Variants in MPHOSPH10 observed in about 807,000 individuals in gnomAD.
The protein encoded by MPHOSPH10 is U3 small nucleolar ribonucleoprotein MPP10.
Under a neutral mutation model 77.3 loss-of-function variants are expected in MPHOSPH10, and 33 were observed. That is an observed-to-expected ratio of 0.43 (90% CI 0.32 to 0.57). The LOEUF (loss-of-function observed/expected upper bound fraction) is 0.57. Among genes scored for constraint, MPHOSPH10 ranks in the 20% least tolerant of loss-of-function variants. MPHOSPH10 has a pLI of 0.07. For synonymous variants in MPHOSPH10, 245 were observed against 268.0 expected (o/e 0.91, Z 0.84); for missense variants, 708 against 780.1 (o/e 0.91, Z 1.10).
rs544325502 is a variant in MPHOSPH10, at chr2:71,149,914, A to G, written c.1945A>G (p.Lys649Glu). The G allele has an allele frequency of 1.3e-6, 2 of 1,576,642 alleles. No individual in the cohort carries two copies. Among genetic ancestry groups the G allele is most frequent in the Non-Finnish European group, 1.7e-6 (2 of 1,168,860 alleles). The stretch of plus-strand genomic sequence containing the variant: ...AAAGTCCTCTCAAGCATTCTTTTCT[A>G]AATTACAAGATCAAGTAAAAATGCA... ...ALKSSQAFFS[K>E]LQDQVKMQIN... The change falls in exon 11 of 11, where the codon AAA becomes GAA. Residue 649 changes from lysine (K) to glutamate (E), a missense_variant. By Grantham distance (56) the Lys-to-Glu change is moderately conservative. Around this residue, in one of 3 missense-constraint regions of MPHOSPH10, gnomAD observed 263 missense variants for 320.0 expected, o/e 0.82. Transcript: ENST00000244230.
At chr2:71,140,360 C>G (rs888816800) in intron 6 of MPHOSPH10, among the ~76,000 whole-genome samples, 5 of 152,184 alleles carry the variant, frequency 3.3e-5, no homozygotes, top group African/African-American at 4.8e-5. Flanking sequence ...CAGGGCATCA[C>G]ATGGTGAAAG....
intron 10 of MPHOSPH10, 121 bp downstream of exon 10, chr2:71,149,574 A>G (rs899869988): frequency 1.1e-6 from 1 of 942,800 alleles, no homozygotes; most frequent in Admixed American, 2.7e-5. Flanking sequence ...GAGATGCATG[A>G]TGCTGACTGG....
Position 71,149,723 on chromosome 2 carries a change from C to T in MPHOSPH10, c.1897-143C>T, listed in dbSNP as rs958239461. Reference sequence around the variant, plus strand: ...TGTAGCAGTGCAGAATACCTCTATGCTAACTGATTCAGTTTTCTGTAATTC... The same window carrying T: ...TGTAGCAGTGCAGAATACCTCTATGTTAACTGATTCAGTTTTCTGTAATTC... On this transcript the variant is annotated intron_variant, in intron 10 of 10. Transcript: ENST00000244230. The T allele has an allele frequency of 3.6e-5, 28 of 777,240 alleles. No homozygotes were observed. In the Admixed American group the frequency reaches 7.6e-4, roughly 21 times the overall value. 48.1% of individuals were successfully genotyped at this position (777,240 alleles called of 1,614,324 possible).
At chr2:71,149,495 G>C (rs753757661) in intron 10 of MPHOSPH10, 42 bp downstream of exon 10, 5 of 1,551,130 alleles carry the variant, frequency 3.2e-6, no homozygotes, top group Non-Finnish European at 4.4e-6. Flanking sequence ...GGACCTTTGT[G>C]GGGGAAGTGG....
intron 1 of MPHOSPH10, among the ~76,000 whole-genome samples, chr2:71,131,714 CAT>C (rs1673384608): frequency 6.6e-6 from 1 of 152,146 alleles, no homozygotes; most frequent in Non-Finnish European, 1.5e-5. Context: ...TCACAAGGTA[CAT>C]GGTGGGGAGA....
intron 1 of MPHOSPH10, 22 bp from the exon 2 acceptor site, chr2:71,132,876 C>T: frequency 1.9e-6 from 3 of 1,549,358 alleles, no homozygotes; most frequent in South Asian, 1.2e-5. Flanking sequence ...AATTCTAAAT[C>T]TCACTTAATT....
intron 8 of MPHOSPH10, 58 bp downstream of exon 8, chr2:71,144,596 TC>T (rs1673674112): frequency 2.4e-6 from 3 of 1,274,978 alleles, no homozygotes. Flanking sequence ...ATAGCTTTGA[TC>T]CTTTGTGAGA....
intron 7 of MPHOSPH10, among the ~76,000 whole-genome samples, chr2:71,143,736 C>G (rs753485889): frequency 1.3e-5 from 2 of 152,172 alleles, no homozygotes; most frequent in Non-Finnish European, 2.9e-5. Context: ...CATTTCTGAC[C>G]TCTTTCAGTT....
Position 71,144,465 on chromosome 2 carries a change from A to G in MPHOSPH10, c.1484A>G (p.Glu495Gly). Reference sequence around the variant, plus strand: ...GAAGAAGAAAATCCAGAACATGTAGAAATTCAGAAGATGATGGATTCCCTC... The same window carrying G: ...GAAGAAGAAAATCCAGAACATGTAGGAATTCAGAAGATGATGGATTCCCTC... ...TAEEENPEHV[E>G]IQKMMDSLFL... The change falls in exon 8 of 11, where the codon GAA (glutamate) becomes GGA (glycine). Residue 495 changes from glutamate (E) to glycine (G), a missense_variant. Around this residue, in one of 3 missense-constraint regions of MPHOSPH10, gnomAD observed 263 missense variants for 320.0 expected, o/e 0.82. Transcript: ENST00000244230. 1 of 1,614,156 alleles carries G rather than the reference A, an allele frequency of 6.2e-7. No homozygotes were observed. The highest frequency in any genetic ancestry group is 8.5e-7 in the Non-Finnish European group (1 of 1,180,006).
intron 2 of MPHOSPH10, 66 bp downstream of exon 2, chr2:71,133,642 A>T (rs1289302116): frequency 2.8e-6 from 4 of 1,441,904 alleles, no homozygotes; most frequent in Non-Finnish European, 3.7e-6. Flanking sequence ...TTTTTCTAGG[A>T]GAGATTTAAT....
intron 7 of MPHOSPH10, 152 bp downstream of exon 7, chr2:71,141,521 G>C: frequency 1.6e-6 from 1 of 610,160 alleles, no homozygotes; most frequent in Non-Finnish European, 2.5e-6. Flanking sequence ...GAATAGAAGG[G>C]TTCTAATATT....
At chr2:71,131,388 A>C (rs560384934) in intron 1 of MPHOSPH10, among the ~76,000 whole-genome samples, 1 of 152,178 alleles carries the variant, frequency 6.6e-6, no homozygotes, top group Non-Finnish European at 1.5e-5. Context: ...GGTACTGTCA[A>C]GCATCTCAAA....
At position 71,132,797 on chromosome 2, in the gene MPHOSPH10, A is replaced by C. The variant is rs897261033; in HGVS notation, c.90-101A>C. 5 of 1,407,596 alleles carry C rather than the reference A, an allele frequency of 3.6e-6. No individual in the cohort carries two copies. The African/African-American group carries it at 5.8e-5, about 16-fold the overall frequency. 87.2% of individuals were successfully genotyped at this position (1,407,596 alleles called of 1,614,324 possible). A position where few individuals can be genotyped will look rare whatever the true frequency, so the allele number is the denominator to read the frequency against. ...CAGAATCTATACTTATACTTCATTC[A>C]AATTTTATTTTACAAAAGAGTTGGG... On this transcript the variant is annotated intron_variant, in intron 1 of 10. Transcript: ENST00000244230.
rs148255112 is a variant in MPHOSPH10, at chr2:71,133,300, C to G, written c.492C>G (p.Pro164=). 1.8e-5 allele frequency: 29 copies of G among 1,613,888 alleles called. No homozygotes were observed. The highest frequency in any genetic ancestry group is 2.1e-5 in the Non-Finnish European group (25 of 1,180,010). ...NSSKSDLRKS[P]VFSDEDSDLD... ...GCAAATCTGATCTGAGGAAAAGCCCCGTTTTCAGTGATGAGGATTCTGACC... is the reference window on the plus strand; with the variant it reads ...GCAAATCTGATCTGAGGAAAAGCCCGGTTTTCAGTGATGAGGATTCTGACC... Residue 164 remains proline, a synonymous_variant, in exon 2 of 11, where the codon CCC becomes CCG. Transcript: ENST00000244230.
At chr2:71,149,069 C>A in intron 9 of MPHOSPH10, 154 bp from the exon 10 acceptor site, 1 of 663,166 alleles carries the variant, frequency 1.5e-6, no homozygotes, top group Admixed American at 2.9e-5. Context: ...GTTACCAACG[C>A]TCATTGGAAT....
chr2:71,133,116 A>C lies in MPHOSPH10; in HGVS notation c.308A>C (p.Asp103Ala), dbSNP rs1673418820. The part of the protein sequence containing the change: ...NAVSETINDE[D>A]ISLLPESEEQ... The stretch of plus-strand genomic sequence containing the variant: ...GTTAGTGAAACAATTAATGATGAAG[A>C]TATCAGTCTTCTCCCAGAGAGTGAA... Residue 103 changes from aspartate (D) to alanine (A), a missense_variant, in exon 2 of 11, where the codon GAT (aspartate) becomes GCT (alanine). Around this residue, in one of 3 missense-constraint regions of MPHOSPH10, gnomAD observed 433 missense variants for 432.6 expected, o/e 1.00. Transcript: ENST00000244230. 1 of 1,614,078 alleles carries C rather than the reference A, an allele frequency of 6.2e-7. No homozygotes were observed.
chr2:71,142,517 G>A (rs998203201), intron 7 of MPHOSPH10, among the ~76,000 whole-genome samples: 5 of 152,220 alleles, frequency 3.3e-5, no homozygotes, highest in African/African-American at 1.2e-4. Flanking sequence ...AGTTTTTGAG[G>A]ATGGACTTGG....
chr2:71,130,692 G>T lies in MPHOSPH10; in HGVS notation c.27G>T (p.Arg9=), dbSNP rs138844543. MAPQVWRR[R]TLERCLTEVG... ...TGGCGCCGCAGGTCTGGCGTCGACGGACCCTGGAGCGGTGTCTGACGGAAG... is the reference window on the plus strand; with the variant it reads ...TGGCGCCGCAGGTCTGGCGTCGACGTACCCTGGAGCGGTGTCTGACGGAAG... The change falls in exon 1 of 11, where the codon CGG becomes CGT. Residue 9 remains arginine (R), a synonymous_variant. Coordinates refer to ENST00000244230, the MANE Select transcript of MPHOSPH10 (RefSeq NM_005791.3). 2.2e-4 allele frequency: 348 copies of T among 1,610,528 alleles called. No individual in the cohort carries two copies. The highest frequency in any genetic ancestry group is 2.7e-4 in the Non-Finnish European group (322 of 1,179,118).
chr2:71,138,420 T>C, intron 4 of MPHOSPH10, 70 bp from the exon 5 acceptor site: 1 of 1,223,050 alleles, frequency 8.2e-7, no homozygotes, highest in Non-Finnish European at 1.1e-6. Context: ...TTTTAAATTA[T>C]TTTTTGCTTT....
Sources: gnomAD v4.1 joint callset for allele counts (sites outside exome capture counted in the v4.1 genomes callset) on GRCh38, gnomAD v4.1.1 for gene constraint, gnomAD v4.1.1 regional missense constraint, MANE v1.5 for transcripts, NCBI Gene and HGNC (gene_info 2026-07-23, HGNC 2026-07-21) for gene names.